PRKD1: variants seen among roughly 807,000 people sequenced by gnomAD.
PRKD1 encodes serine/threonine-protein kinase D1.
In PRKD1, 63 loss-of-function variants were observed where a neutral mutation model predicts 95.9. That is an observed-to-expected ratio of 0.66 (90% confidence interval 0.54 to 0.81). The LOEUF (loss-of-function observed/expected upper bound fraction) is 0.81. Among genes scored for constraint, PRKD1 ranks in the 30% least tolerant of loss-of-function variants. The probability of loss-of-function intolerance (pLI) is 0.00; values close to 1 mark genes in which losing one functional copy is unlikely to be tolerated. For synonymous variants in PRKD1, 425 were observed against 423.1 expected (o/e 1.00, Z -0.05); for missense variants, 1,048 against 1,165.3 (o/e 0.90, Z 1.47).
At chr14:29,772,071 T>C (rs1316517010) in intron 1 of PRKD1, among the ~76,000 whole-genome samples, 3 of 152,232 alleles carry the variant, frequency 2.0e-5, no homozygotes, top group Admixed American at 2.0e-4. Context: ...ATGATTTCGA[T>C]ATTTGGATGA....
intron 1 of PRKD1, among the ~76,000 whole-genome samples, chr14:29,823,726 G>A (rs1891007872): frequency 1.3e-5 from 2 of 152,196 alleles, no homozygotes; most frequent in Admixed American, 1.3e-4. Flanking sequence ...ACCATTATAA[G>A]TTGTTGATAG....
At chr14:29,854,111 G>A (rs894577346) in intron 1 of PRKD1, among the ~76,000 whole-genome samples, 2 of 152,158 alleles carry the variant, frequency 1.3e-5, no homozygotes, top group African/African-American at 4.8e-5. Context: ...CTGCTGAACA[G>A]ACTAATAAAG....
chr14:29,910,068 A>G (rs187004933), intron 1 of PRKD1, among the ~76,000 whole-genome samples: 2,307 of 152,138 alleles, frequency 0.015, 32 homozygotes, highest in Non-Finnish European at 0.025. Context: ...CCCCTTCCAC[A>G]CTGTGGAAGC....
intron 1 of PRKD1, among the ~76,000 whole-genome samples, chr14:29,774,185 G>C (rs1231469383): frequency 6.6e-6 from 1 of 152,208 alleles, no homozygotes; most frequent in Non-Finnish European, 1.5e-5. Flanking sequence ...ACAAAAGACA[G>C]GAAGCTAGTG....
At chr14:29,726,210 G>A (rs1886134910) in intron 1 of PRKD1, among the ~76,000 whole-genome samples, 1 of 152,096 alleles carries the variant, frequency 6.6e-6, no homozygotes, top group African/African-American at 2.4e-5. Flanking sequence ...AGGAGATCAG[G>A]GGAGGCAATC....
chr14:29,773,920 C>T (rs1235896795), intron 1 of PRKD1, among the ~76,000 whole-genome samples: 2 of 152,146 alleles, frequency 1.3e-5, no homozygotes, highest in Non-Finnish European at 2.9e-5. Flanking sequence ...CCTCATTCTC[C>T]AAGTTAGATA....
intron 1 of PRKD1, among the ~76,000 whole-genome samples, chr14:29,755,535 T>C (rs1046017565): frequency 2.6e-5 from 4 of 152,162 alleles, no homozygotes; most frequent in Admixed American, 1.3e-4. Context: ...TTACCCCTGG[T>C]TGATACGGCT....
chr14:29,871,062 A>G (rs1047672667), intron 1 of PRKD1, among the ~76,000 whole-genome samples: 1 of 152,216 alleles, frequency 6.6e-6, no homozygotes, highest in Non-Finnish European at 1.5e-5. Context: ...CTCTTGCCAC[A>G]TGAATCGCTC....
At chr14:29,620,890 G>A (rs974373310) in intron 13 of PRKD1, among the ~76,000 whole-genome samples, 18 of 151,470 alleles carry the variant, frequency 1.2e-4, no homozygotes, top group South Asian at 6.2e-4. Flanking sequence ...TGTTTATTGC[G>A]GCACTATTCA....
intron 1 of PRKD1, among the ~76,000 whole-genome samples, chr14:29,805,241 C>T (rs560076025): frequency 2.8e-4 from 43 of 152,198 alleles, no homozygotes; most frequent in African/African-American, 8.7e-4. Flanking sequence ...TTAGATTGGT[C>T]GGGGGAAGAA....
At chr14:29,796,272 A>G (rs559698000) in intron 1 of PRKD1, among the ~76,000 whole-genome samples, 14 of 152,290 alleles carry the variant, frequency 9.2e-5, no homozygotes, top group African/African-American at 3.4e-4. Context: ...GTCTATCTTA[A>G]GTTAAACTCC....
intron 1 of PRKD1, among the ~76,000 whole-genome samples, chr14:29,839,419 G>A (rs1419723682): frequency 6.6e-6 from 1 of 152,204 alleles, no homozygotes; most frequent in Non-Finnish European, 1.5e-5. Flanking sequence ...CCAAGAAGTG[G>A]AAGTGGATCT....
At position 29,864,767 on chromosome 14, in the gene PRKD1, G is replaced by C. The variant is rs1051963211; in HGVS notation, c.264+62482C>G. Among the ~76,000 whole-genome samples the C allele has an allele frequency of 5.3e-5, 8 of 152,214 alleles. 1 individual carries two copies. Among genetic ancestry groups the C allele is most frequent in the Admixed American group, 5.2e-4 (8 of 15,276 alleles). ...TCTCAAGAGCATGAGATTGAGGAGGGCAGGGAAATAAAGGACCTAGGAATG... is the reference window on the plus strand; with the variant it reads ...TCTCAAGAGCATGAGATTGAGGAGGCCAGGGAAATAAAGGACCTAGGAATG... On this transcript the variant is annotated intron_variant, in intron 1 of 17. Coordinates refer to ENST00000331968, the MANE Select transcript of PRKD1 (RefSeq NM_002742.3).
chr14:29,880,952 T>A lies in PRKD1; in HGVS notation c.264+46297A>T, dbSNP rs183304430. On this transcript the variant is annotated intron_variant, in intron 1 of 17. Transcript: ENST00000331968. The stretch of plus-strand genomic sequence containing the variant: ...ATATCTAGGAAGTAACTAGATTGCT[T>A]TTGATTTTACAGGCTCATAGGTGAA... 3.7e-3 allele frequency among the ~76,000 whole-genome samples: 567 copies of A among 152,306 alleles called. 1 individual carries two copies. The highest frequency in any genetic ancestry group is 0.013 in the African/African-American group (528 of 41,560).
chr14:29,790,605 T>G (rs1050096625), intron 1 of PRKD1, among the ~76,000 whole-genome samples: 2 of 152,176 alleles, frequency 1.3e-5, no homozygotes, highest in South Asian at 4.1e-4. Flanking sequence ...TTGCTCATAT[T>G]TCTGTAAAGT....
chr14:29,728,874 A>G (rs927257932), intron 1 of PRKD1, among the ~76,000 whole-genome samples: 1 of 152,044 alleles, frequency 6.6e-6, no homozygotes, highest in African/African-American at 2.4e-5. Context: ...ACCACATTAT[A>G]TTTATTATTG....
At chr14:29,589,188 G>A (rs973087217) in intron 16 of PRKD1, among the ~76,000 whole-genome samples, 1 of 152,126 alleles carries the variant, frequency 6.6e-6, no homozygotes, top group African/African-American at 2.4e-5. Context: ...GAACACATCA[G>A]TTCAATTTGA....
At chr14:29,849,749 A>T (rs1027808989) in intron 1 of PRKD1, among the ~76,000 whole-genome samples, 5 of 142,640 alleles carry the variant, frequency 3.5e-5, no homozygotes, top group African/African-American at 1.3e-4. Context: ...CTGATAATAT[A>T]AAAAAAAAAC....
At chr14:29,767,195 T>C (rs890041097) in intron 1 of PRKD1, among the ~76,000 whole-genome samples, 1 of 152,290 alleles carries the variant, frequency 6.6e-6, no homozygotes, top group East Asian at 1.9e-4. Context: ...TTGAACAATC[T>C]GCCCAGTTTC....
Sources: gnomAD v4.1 joint callset for allele counts (sites outside exome capture counted in the v4.1 genomes callset) on GRCh38, gnomAD v4.1.1 for gene constraint, MANE v1.5 for transcripts, NCBI Gene and HGNC (gene_info 2026-07-23, HGNC 2026-07-21) for gene names.